PRKN: variants seen among roughly 807,000 people sequenced by gnomAD.
PRKN encodes E3 ubiquitin-protein ligase parkin.
A neutral mutation model predicts 59.5 loss-of-function variants in PRKN; 56 were observed. The observed-to-expected ratio is 0.94, with a 90% CI of 0.76 to 1.18. The LOEUF is 1.18. PRKN is among the 50% of genes most tolerant of loss of function. PRKN has a pLI of 0.00. For synonymous variants in PRKN, 250 were observed against 222.1 expected (o/e 1.13, Z -1.12); for missense variants, 657 against 596.4 (o/e 1.10, Z -1.06).
intron 2 of PRKN, among the ~76,000 whole-genome samples, chr6:162,326,368 G>T (rs1402221379): frequency 6.6e-6 from 1 of 152,014 alleles, no homozygotes; most frequent in Non-Finnish European, 1.5e-5. Flanking sequence ...TTATCCTAAA[G>T]CAGTATGTTT....
At chr6:161,633,268 T>A (rs1192535548) in intron 7 of PRKN, among the ~76,000 whole-genome samples, 1 of 152,200 alleles carries the variant, frequency 6.6e-6, no homozygotes, top group African/African-American at 2.4e-5. Context: ...CTCTGCTGAA[T>A]ACATTGCAAG....
At chr6:161,994,888 C>G (rs920800056) in intron 5 of PRKN, among the ~76,000 whole-genome samples, 2 of 151,574 alleles carry the variant, frequency 1.3e-5, no homozygotes, top group African/African-American at 4.8e-5. Flanking sequence ...CAATGCAATC[C>G]CTATCAAAAT....
intron 1 of PRKN, among the ~76,000 whole-genome samples, chr6:162,566,433 T>A (rs1277879197): frequency 6.6e-6 from 1 of 151,806 alleles, no homozygotes; most frequent in Non-Finnish European, 1.5e-5. Flanking sequence ...AATAAAACCA[T>A]AAATGAAAAA....
At chr6:162,372,381 G>A (rs545247210) in intron 2 of PRKN, among the ~76,000 whole-genome samples, 1 of 152,240 alleles carries the variant, frequency 6.6e-6, no homozygotes, top group East Asian at 1.9e-4. Context: ...TTTACACGCT[G>A]TGCTCCATTC....
At chr6:162,605,505 T>TTG (rs1348025021) in intron 1 of PRKN, among the ~76,000 whole-genome samples, 1 of 152,132 alleles carries the variant, frequency 6.6e-6, no homozygotes, top group Non-Finnish European at 1.5e-5. Flanking sequence ...CTAGTCTGTC[T>TTG]ATTCAGTAAT....
At chr6:162,034,950 C>T (rs1317833877) in intron 5 of PRKN, among the ~76,000 whole-genome samples, 2 of 152,060 alleles carry the variant, frequency 1.3e-5, no homozygotes, top group East Asian at 1.9e-4. Flanking sequence ...AAGGCATATC[C>T]GAGGCTGGGT....
At chr6:162,475,346 A>G (rs1791951120) in intron 1 of PRKN, among the ~76,000 whole-genome samples, 1 of 152,216 alleles carries the variant, frequency 6.6e-6, no homozygotes, top group South Asian at 2.1e-4. Flanking sequence ...AAGCCACAAG[A>G]GAAAAGGATT....
intron 1 of PRKN, among the ~76,000 whole-genome samples, chr6:162,578,924 G>T (rs945563931): frequency 3.3e-5 from 5 of 152,092 alleles, no homozygotes; most frequent in African/African-American, 1.2e-4. Context: ...AAAGTTCAAG[G>T]TTGACACAAA....
chr6:162,638,423 A>G (rs1462092990), intron 1 of PRKN, among the ~76,000 whole-genome samples: 1 of 152,196 alleles, frequency 6.6e-6, no homozygotes, highest in African/African-American at 2.4e-5. Context: ...ACAGAAGCCT[A>G]CAATTACGAG....
chr6:162,551,858 G>A (rs1779342984), intron 1 of PRKN, among the ~76,000 whole-genome samples: 1 of 152,180 alleles, frequency 6.6e-6, no homozygotes, highest in South Asian at 2.1e-4. Context: ...CCTACTATGT[G>A]CTCAGCAGTC....
intron 8 of PRKN, among the ~76,000 whole-genome samples, chr6:161,568,127 A>C (rs771887952): frequency 2.6e-5 from 4 of 152,204 alleles, no homozygotes; most frequent in Non-Finnish European, 4.4e-5. Context: ...TCCTCTCCTT[A>C]CTAATCCTTT....
At chr6:162,504,762 A>T (rs1165839297) in intron 1 of PRKN, among the ~76,000 whole-genome samples, 4 of 152,192 alleles carry the variant, frequency 2.6e-5, no homozygotes, top group African/African-American at 9.6e-5. Context: ...CCAAGTGAAG[A>T]CAAGCCACAA....
intron 2 of PRKN, among the ~76,000 whole-genome samples, chr6:162,411,082 G>A (rs1788333581): frequency 6.6e-6 from 1 of 152,138 alleles, no homozygotes; most frequent in African/African-American, 2.4e-5. Flanking sequence ...ACAGCGACAT[G>A]TTATTTTAAA....
At chr6:161,510,173 G>A (rs554017669) in intron 9 of PRKN, among the ~76,000 whole-genome samples, 2 of 152,304 alleles carry the variant, frequency 1.3e-5, no homozygotes, top group South Asian at 2.1e-4. Context: ...TAAAGGGCAG[G>A]AACCTAGGCT....
intron 3 of PRKN, among the ~76,000 whole-genome samples, chr6:162,254,360 G>A (rs1779560296): frequency 6.6e-6 from 1 of 151,882 alleles, no homozygotes; most frequent in African/African-American, 2.4e-5. Flanking sequence ...TGGAGGCTGA[G>A]GGAGGAGAAT....
At chr6:161,621,012 T>A (rs147305135) in intron 7 of PRKN, among the ~76,000 whole-genome samples, 62 of 152,250 alleles carry the variant, frequency 4.1e-4, no homozygotes, top group African/African-American at 1.4e-3. Flanking sequence ...TCCACCTTTA[T>A]GTTCGGTGCT....
chr6:161,806,969 C>T (rs986197847), intron 6 of PRKN, among the ~76,000 whole-genome samples: 1 of 152,204 alleles, frequency 6.6e-6, no homozygotes, highest in Non-Finnish European at 1.5e-5. Context: ...TAAGCTCCAT[C>T]TGAACCTAAT....
intron 8 of PRKN, among the ~76,000 whole-genome samples, chr6:161,557,919 C>T (rs1209768917): frequency 6.6e-6 from 1 of 152,090 alleles, no homozygotes; most frequent in East Asian, 1.9e-4. Flanking sequence ...TTCCCCACAC[C>T]ACTCCATAAA....
rs1028267010 is a variant in PRKN, at chr6:161,475,727, G to T, written c.1083+73127C>A. Among the ~76,000 whole-genome samples the T allele has an allele frequency of 6.6e-6, 1 of 151,820 alleles. No individual in the cohort carries two copies. The highest frequency in any genetic ancestry group is 1.5e-5 in the Non-Finnish European group (1 of 67,986). On this transcript the variant is annotated intron_variant, in intron 9 of 11. Coordinates refer to ENST00000366898, the MANE Select transcript of PRKN (RefSeq NM_004562.3). This position sits in a 1 kb window ranked among gnomAD's most constrained non-coding sequence, Gnocchi z 5.3. ...TGAGCTCAAGGAATCTGCTCGCCTC[G>T]GTCTCCCAAAGTGCTGGGATTACAG...
Sources: allele counts gnomAD v4.1 joint callset (sites outside exome capture counted in the v4.1 genomes callset), GRCh38; gene constraint gnomAD v4.1.1; non-coding constraint Gnocchi (gnomAD v3.1); transcripts MANE v1.5; gene names NCBI Gene and HGNC (gene_info 2026-07-23, HGNC 2026-07-21).